ENOX1: variants seen among roughly 807,000 people sequenced by gnomAD.
ENOX1 encodes candidate growth-related and time keeping constitutive hydroquinone (NADH) oxidase.
Under a neutral mutation model 82.5 loss-of-function variants are expected in ENOX1, and 42 were observed. The ratio of observed to expected loss-of-function variants is 0.51; its 90% CI spans 0.40 to 0.66. The LOEUF (loss-of-function observed/expected upper bound fraction) is 0.66. Among genes scored for constraint, ENOX1 ranks in the 30% least tolerant of loss-of-function variants. The pLI, the probability that ENOX1 is intolerant of heterozygous loss-of-function variation, is 0.00. For missense variants in ENOX1, 608 were observed against 811.6 expected, an observed-to-expected ratio of 0.75 and a Z score of 3.05; for synonymous variants, 271 against 282.2, an observed-to-expected ratio of 0.96 and a Z score of 0.40.
At chr13:43,769,947 T>C (rs1171500713) in intron 1 of ENOX1, among the ~76,000 whole-genome samples, 1 of 152,230 alleles carries the variant, frequency 6.6e-6, no homozygotes, top group Non-Finnish European at 1.5e-5. Flanking sequence ...AGATGGCTTA[T>C]GTAAAATGCA....
intron 5 of ENOX1, among the ~76,000 whole-genome samples, chr13:43,384,975 G>A (rs2052314229): frequency 6.6e-6 from 1 of 152,102 alleles, no homozygotes; most frequent in Non-Finnish European, 1.5e-5. Flanking sequence ...CTCAGAGAAG[G>A]ATATTGTGTA....
intron 3 of ENOX1, among the ~76,000 whole-genome samples, chr13:43,437,207 T>C (rs536450842): frequency 2.6e-5 from 4 of 152,298 alleles, no homozygotes; most frequent in East Asian, 3.9e-4. Flanking sequence ...TCAACTCCCA[T>C]TTTGTGAATC....
intron 1 of ENOX1, among the ~76,000 whole-genome samples, chr13:43,775,420 G>A (rs1951856911): frequency 6.6e-6 from 1 of 152,124 alleles, no homozygotes; most frequent in Admixed American, 6.5e-5. Context: ...GGAATTACAG[G>A]TGTGAGTCAC....
At chr13:43,355,699 C>G (rs1023478988) in intron 8 of ENOX1, among the ~76,000 whole-genome samples, 1 of 152,178 alleles carries the variant, frequency 6.6e-6, no homozygotes, top group Non-Finnish European at 1.5e-5. Flanking sequence ...CTGTCCCAGG[C>G]AGAAGATGAA....
At chr13:43,472,306 GCA>G (rs1376485114) in intron 3 of ENOX1, among the ~76,000 whole-genome samples, 1 of 152,100 alleles carries the variant, frequency 6.6e-6, no homozygotes, top group Non-Finnish European at 1.5e-5. Context: ...GACAATGTTT[GCA>G]CACTTTGTTA....
chr13:43,580,094 A>C (rs1002720127), intron 2 of ENOX1, among the ~76,000 whole-genome samples: 1 of 152,322 alleles, frequency 6.6e-6, no homozygotes, highest in East Asian at 1.9e-4. Context: ...CAGACTTGAG[A>C]ATGAGAATGA....
chr13:43,357,879 G>A (rs1371575815), intron 7 of ENOX1, among the ~76,000 whole-genome samples: 3 of 152,266 alleles, frequency 2.0e-5, no homozygotes, highest in Non-Finnish European at 2.9e-5. Flanking sequence ...AGGAGGGGCC[G>A]CCTGACTTCC....
At chr13:43,365,857 A>G (rs2050814389) in intron 5 of ENOX1, among the ~76,000 whole-genome samples, 1 of 152,234 alleles carries the variant, frequency 6.6e-6, no homozygotes, top group African/African-American at 2.4e-5. Context: ...CCTCAAGTCC[A>G]GGGACAGAGT....
At chr13:43,285,846 C>A (rs971863822) in intron 12 of ENOX1, among the ~76,000 whole-genome samples, 2 of 149,976 alleles carry the variant, frequency 1.3e-5, no homozygotes, top group Admixed American at 1.3e-4. Context: ...GAATTCCCCC[C>A]TCTTCTTCTT....
At chr13:43,408,162 C>T (rs2053911190) in intron 5 of ENOX1, among the ~76,000 whole-genome samples, 2 of 152,076 alleles carry the variant, frequency 1.3e-5, no homozygotes, top group South Asian at 2.1e-4. Flanking sequence ...GTGGAAGAGG[C>T]GTCACTGTGG....
At chr13:43,312,109 T>G (rs1324090352) in intron 11 of ENOX1, among the ~76,000 whole-genome samples, 1 of 152,214 alleles carries the variant, frequency 6.6e-6, no homozygotes, top group Non-Finnish European at 1.5e-5. Context: ...TTGTATTTAT[T>G]CAGCAGCTCA....
chr13:43,570,699 C>T (rs984887764), intron 2 of ENOX1, among the ~76,000 whole-genome samples: 10 of 151,956 alleles, frequency 6.6e-5, no homozygotes, highest in African/African-American at 2.4e-4. Flanking sequence ...TGAATGAGTG[C>T]CTTTCATCCA....
chr13:43,754,223 ACATGTG>A (rs1296990280), intron 1 of ENOX1, among the ~76,000 whole-genome samples: 8 of 148,636 alleles, frequency 5.4e-5, no homozygotes, highest in Non-Finnish European at 4.5e-5. Context: ...GTGTGTACAT[ACATGTG>A]TATACATATG....
At position 43,704,687 on chromosome 13, in the gene ENOX1, T is replaced by C. The variant is rs1177600454; in HGVS notation, c.-284-37143A>G. The stretch of plus-strand genomic sequence containing the variant: ...GACCTGAATCCCGCATTTAAATCCT[T>C]GGCTGATCACTTAAATTGTACGTAC... On this transcript the variant is annotated intron_variant, in intron 1 of 16. Transcript: ENST00000690772. 2.0e-5 allele frequency among the ~76,000 whole-genome samples: 3 copies of C among 152,302 alleles called. No homozygotes were observed. The East Asian group carries it at 5.8e-4, about 30-fold the overall frequency.
chr13:43,655,220 T>C (rs1282859038), intron 2 of ENOX1, among the ~76,000 whole-genome samples: 1 of 152,160 alleles, frequency 6.6e-6, no homozygotes, highest in Non-Finnish European at 1.5e-5. Flanking sequence ...AGAGAAATGA[T>C]TGGTTTAGCA....
chr13:43,235,472 C>G (rs1466073268), intron 15 of ENOX1, among the ~76,000 whole-genome samples: 1 of 152,134 alleles, frequency 6.6e-6, no homozygotes, highest in Non-Finnish European at 1.5e-5. Context: ...GTGGCTCATG[C>G]CTGTAATCCC....
chr13:43,531,919 T>A (rs1457205942), intron 2 of ENOX1, among the ~76,000 whole-genome samples: 5 of 128,018 alleles, frequency 3.9e-5, no homozygotes, highest in African/African-American at 1.5e-4. Flanking sequence ...CACTGGGGCC[T>A]GTTGTGGGGT....
chr13:43,325,957 A>C (rs567706251), intron 10 of ENOX1, among the ~76,000 whole-genome samples: 2 of 152,288 alleles, frequency 1.3e-5, no homozygotes, highest in South Asian at 4.2e-4. Context: ...GAGAAGTGTA[A>C]TAGGACTTAA....
chr13:43,223,038 C>G (rs1315630449), intron 16 of ENOX1, among the ~76,000 whole-genome samples: 1 of 152,076 alleles, frequency 6.6e-6, no homozygotes. Flanking sequence ...AGAGGTTAAA[C>G]AGTTTTGGGA....
Sources: allele counts gnomAD v4.1 joint callset (sites outside exome capture counted in the v4.1 genomes callset), GRCh38; gene constraint gnomAD v4.1.1; transcripts MANE v1.5; gene names NCBI Gene and HGNC (gene_info 2026-07-23, HGNC 2026-07-21).